FAM221A: variants seen among roughly 807,000 people sequenced by gnomAD.
FAM221A encodes protein FAM221A.
FAM221A carries 43 observed loss-of-function variants against 37.6 expected under a neutral mutation model. The observed-to-expected ratio is 1.15, with a 90% CI of 0.90 to 1.48. The LOEUF (loss-of-function observed/expected upper bound fraction) is 1.48, where lower values mean the gene tolerates loss of function less well. FAM221A is among the 40% of genes most tolerant of loss of function. The pLI, the probability that FAM221A is intolerant of heterozygous loss-of-function variation, is 0.00. For synonymous variants in FAM221A, 135 were observed against 132.9 expected (o/e 1.02, Z -0.11); for missense variants, 361 against 361.5 (o/e 1.00, Z 0.01).
At chr7:23,682,068 CTATTAT>C (rs890199968) in intron 1 of FAM221A, among the ~76,000 whole-genome samples, 2 of 150,948 alleles carry the variant, frequency 1.3e-5, no homozygotes, top group Non-Finnish European at 3.0e-5. Context: ...CACTGCAGAC[CTATTAT>C]TATTATTATT....
At chr7:23,701,036 G>T (rs1785394497) in intron 6 of FAM221A, among the ~76,000 whole-genome samples, 168 bp downstream of exon 6, 1 of 152,048 alleles carries the variant, frequency 6.6e-6, no homozygotes, top group Non-Finnish European at 1.5e-5. Flanking sequence ...CAGGGCTAAA[G>T]AATAACATGA....
intron 1 of FAM221A, among the ~76,000 whole-genome samples, chr7:23,684,251 G>C (rs747897475): frequency 2.6e-5 from 4 of 151,058 alleles, no homozygotes; most frequent in African/African-American, 9.8e-5. Flanking sequence ...GCAAACGCTC[G>C]GTGGGCTTTT....
At chr7:23,681,989 A>G (rs1250958127) in intron 1 of FAM221A, among the ~76,000 whole-genome samples, 1 of 152,124 alleles carries the variant, frequency 6.6e-6, no homozygotes, top group Non-Finnish European at 1.5e-5. Context: ...TGTTACTCAC[A>G]CTGTGGGAGG....
chr7:23,680,663 A>T lies in FAM221A; in HGVS notation c.65+380A>T, dbSNP rs551961203. The T allele has an allele frequency of 5.8e-5, 10 of 172,752 alleles. No homozygotes were observed. The South Asian group carries it at 1.6e-3, about 27-fold the overall frequency. 10.7% of individuals were successfully genotyped at this position (172,752 alleles called of 1,614,324 possible). Reference sequence around the variant, plus strand: ...TAACCCAGTAATTGAGTCAACCGTGAACTTCTGAACGCGCTCCCCACCCCG... The same window carrying T: ...TAACCCAGTAATTGAGTCAACCGTGTACTTCTGAACGCGCTCCCCACCCCG... On this transcript the variant is annotated intron_variant, in intron 1 of 6. Transcript: ENST00000344962.
chr7:23,685,916 C>T lies in FAM221A; in HGVS notation c.239+1244C>T, dbSNP rs768958499. 1.5e-4 allele frequency among the ~76,000 whole-genome samples: 23 copies of T among 152,208 alleles called. 1 individual carries two copies. The highest frequency in any genetic ancestry group is 1.3e-4 in the Admixed American group (2 of 15,272). On this transcript the variant is annotated intron_variant, in intron 2 of 6. Transcript: ENST00000344962. ...GTTTTCAGGCAGCAACTTTAACTTT[C>T]GGTTCCAAGAGGAACCACCCTATTC...
At chr7:23,694,260 T>C (rs934901568) in intron 4 of FAM221A, 1 of 152,212 alleles carries the variant, frequency 6.6e-6, no homozygotes, top group Non-Finnish European at 1.5e-5. Flanking sequence ...CATTTGTCTA[T>C]CCTGTGCCAA....
At chr7:23,694,298 T>C (rs990308911) in intron 4 of FAM221A, 1 of 152,364 alleles carries the variant, frequency 6.6e-6, no homozygotes, top group African/African-American at 2.4e-5. Flanking sequence ...ATATATATTT[T>C]TTATGATAGC....
intron 1 of FAM221A, among the ~76,000 whole-genome samples, chr7:23,681,732 A>G (rs1784054712): frequency 1.3e-5 from 2 of 152,210 alleles, no homozygotes; most frequent in South Asian, 4.1e-4. Context: ...GCAATCGTAA[A>G]TAACTTGCAA....
rs1380038340 is a variant in FAM221A at position 23,694,460 on chromosome 7, G to T, written c.637+2864G>T. 3 of 151,878 alleles carry T rather than the reference G, an allele frequency of 2.0e-5. No homozygotes were observed. The East Asian group carries it at 5.8e-4, about 29-fold the overall frequency. The allele number at this position is 151,878 out of a possible 1,614,324, so 9.4% of individuals were successfully genotyped here. A position where few individuals can be genotyped will look rare whatever the true frequency, so the allele number is the denominator to read the frequency against. Reference sequence around the variant, plus strand: ...AAGTAAATTCTTCTGCAGTTTTATGGGTGCATAATTGTGTTAGGCTCAAGC... The same window carrying T: ...AAGTAAATTCTTCTGCAGTTTTATGTGTGCATAATTGTGTTAGGCTCAAGC... On this transcript the variant is annotated intron_variant, in intron 4 of 6. Transcript: ENST00000344962.
At chr7:23,701,749 C>T (rs578204884) in intron 6 of FAM221A, among the ~76,000 whole-genome samples, 1 of 152,238 alleles carries the variant, frequency 6.6e-6, no homozygotes, top group Non-Finnish European at 1.5e-5. Context: ...GTCCACGTTC[C>T]AGAGAGAATC....
In FAM221A at chr7:23,680,300, G is replaced by A; in HGVS notation, c.65+17G>A. The A allele has an allele frequency of 6.6e-7, 1 of 1,525,264 alleles. No individual in the cohort carries two copies. The highest frequency in any genetic ancestry group is 8.8e-7 in the Non-Finnish European group (1 of 1,134,874). The allele number at this position is 1,525,264 out of a possible 1,614,324, so 94.5% of individuals were successfully genotyped here. On this transcript the variant is annotated intron_variant, in intron 1 of 6. Transcript: ENST00000344962. ...GTACCGGAGGTGAGGCTGTGGCTCC[G>A]GGCCTGCCCCCCCGCCGCTCCGAGG...
At chr7:23,699,009 T>C (rs1320957982) in intron 5 of FAM221A, among the ~76,000 whole-genome samples, 1 of 152,144 alleles carries the variant, frequency 6.6e-6, no homozygotes, top group South Asian at 2.1e-4. Context: ...CTGAGTTTAG[T>C]GGCAGCCAAG....
intron 3 of FAM221A, among the ~76,000 whole-genome samples, chr7:23,690,195 ATATAT>A (rs1292831409): frequency 1.1e-3 from 43 of 38,696 alleles, no homozygotes; most frequent in Middle Eastern, 0.025. Context: ...ATATATATAT[ATATAT>A]TTTTTTTTTT....
chr7:23,690,182 T>TGAACCAA (rs1784636142), intron 3 of FAM221A, among the ~76,000 whole-genome samples: 1 of 52,644 alleles, frequency 1.9e-5, no homozygotes. Context: ...TATATATATA[T>TGAACCAA]ATATATATAT....
Position 23,689,271 on chromosome 7 carries a change from A to G in FAM221A, c.242A>G (p.Tyr81Cys), listed in dbSNP as rs746007695. The change falls in exon 3 of 7, where the codon TAT becomes TGT. Residue 81 changes from tyrosine (Y) to cysteine (C), a missense_variant and splice_region_variant. Transcript: ENST00000344962. ...PETLCFCTHRYKQHKTDLEAI... is the reference protein window; with the variant it reads ...PETLCFCTHRCKQHKTDLEAI... ...TCTCTCTCTTTCTCCTTTTTTAGGTATAAACAACATAAAACTGACTTGGAA... is the reference window on the plus strand; with the variant it reads ...TCTCTCTCTTTCTCCTTTTTTAGGTGTAAACAACATAAAACTGACTTGGAA... The G allele has an allele frequency of 4.6e-6, 7 of 1,513,678 alleles. No individual in the cohort carries two copies. In the South Asian group the frequency reaches 6.5e-5, roughly 14 times the overall value. The allele number at this position is 1,513,678 out of a possible 1,614,324, so 93.8% of individuals were successfully genotyped here.
At chr7:23,697,813 G>A (rs777520967) in intron 4 of FAM221A, among the ~76,000 whole-genome samples, 12 of 152,148 alleles carry the variant, frequency 7.9e-5, no homozygotes, top group Non-Finnish European at 1.5e-4. Context: ...GTGAAGTGAT[G>A]TGATCATAGC....
intron 2 of FAM221A, 147 bp from the exon 3 acceptor site, chr7:23,689,122 T>A: frequency 2.0e-6 from 1 of 512,356 alleles, no homozygotes; most frequent in Admixed American, 3.1e-5. Flanking sequence ...AAGTACTATA[T>A]GTAGGAGAGT....
intron 2 of FAM221A, 197 bp from the exon 3 acceptor site, chr7:23,689,070 AAG>A (rs1238215805): frequency 1.4e-5 from 6 of 417,778 alleles, no homozygotes; most frequent in Middle Eastern, 6.3e-4. Flanking sequence ...AGAAATCTAA[AAG>A]AGTAAAGATT....
Position 23,702,256 on chromosome 7 carries a change from A to T in FAM221A, c.*92A>T, listed in dbSNP as rs1057088972. 50 of 795,388 alleles carry T rather than the reference A, an allele frequency of 6.3e-5. No homozygotes were observed. The highest frequency in any genetic ancestry group is 5.4e-4 in the South Asian group (18 of 33,282). The allele number at this position is 795,388 out of a possible 1,614,324, so 49.3% of individuals were successfully genotyped here. ...CAGTTTATTTTTCCTGAAATTATTT[A>T]CTTTTTTTTTTTACTGTATAAATGT... On this transcript the variant is annotated 3_prime_UTR_variant, in exon 7 of 7. Transcript: ENST00000344962.
Sources: allele counts gnomAD v4.1 joint callset (sites outside exome capture counted in the v4.1 genomes callset), GRCh38; gene constraint gnomAD v4.1.1; transcripts MANE v1.5; gene names NCBI Gene and HGNC (gene_info 2026-07-23, HGNC 2026-07-21).